The following VPS52 variants were observed in gnomAD, a reference collection of about 807,000 sequenced individuals.
The protein encoded by VPS52 is vacuolar protein sorting-associated protein 52 homolog.
Under a neutral mutation model 98.7 loss-of-function variants are expected in VPS52, and 56 were observed. The observed-to-expected ratio is 0.57, with a 90% CI of 0.46 to 0.71. The LOEUF is 0.71. Ranked by LOEUF, VPS52 falls within the 30% of genes least tolerant of loss-of-function variation. The pLI is 0.00. For synonymous variants in VPS52, 348 were observed against 346.4 expected (o/e 1.00, Z -0.05); for missense variants, 742 against 925.9 (o/e 0.80, Z 2.58).
rs1168206009 is a variant in VPS52, at chr6:33,271,657, T to G, written c.19A>C (p.Met7Leu). 14 of 1,609,872 alleles carry G rather than the reference T, an allele frequency of 8.7e-6. No individual in the cohort carries two copies. Among genetic ancestry groups the G allele is most frequent in the Non-Finnish European group, 1.2e-5 (14 of 1,177,730 alleles). Reference sequence around the variant, plus strand: ...ACCAGTTCCCGGGCCGCAGCCGCCATGGTCGCAGCGGCGGCCATTCCCCGC... The same window carrying G: ...ACCAGTTCCCGGGCCGCAGCCGCCAGGGTCGCAGCGGCGGCCATTCCCCGC... MAAAAT[M>L]AAAARELVLR... is the part of the protein sequence containing the mutation. Residue 7 changes from methionine (M) to leucine (L), a missense_variant, in exon 1 of 20, where the codon ATG (methionine) becomes CTG (leucine). By Grantham distance (15) the Met-to-Leu change is conservative. This residue lies in a region of VPS52 where 152 missense variants were observed against 132.6 expected (regional missense o/e 1.15). Transcript: ENST00000445902.
intron 1 of VPS52, chr6:33,271,100 C>A (rs1296266371): frequency 1.2e-5 from 4 of 342,974 alleles, no homozygotes; most frequent in African/African-American, 8.4e-5. Flanking sequence ...TGGGGAACCC[C>A]AGGCTTTCTA....
At chr6:33,257,032 TTTA>T (rs1186864159) in intron 17 of VPS52, among the ~76,000 whole-genome samples, 1 of 151,498 alleles carries the variant, frequency 6.6e-6, no homozygotes, top group Non-Finnish European at 1.5e-5. Context: ...ATTCTTTAAT[TTTA>T]TTATTATTTT....
In VPS52 at chr6:33,271,635, A is replaced by T. The variant is rs755656067; in HGVS notation, c.41T>A (p.Leu14Gln). 2 of 1,611,360 alleles carry T rather than the reference A, an allele frequency of 1.2e-6. No homozygotes were observed. Among genetic ancestry groups the T allele is most frequent in the Non-Finnish European group, 1.7e-6 (2 of 1,178,638 alleles). ...AATMAAAARE[L>Q]VLRAGTSDME... is the part of the protein sequence containing the mutation. Reference sequence around the variant, plus strand: ...ATCTGAGGTCCCAGCCCGCAACACCAGTTCCCGGGCCGCAGCCGCCATGGT... The same window carrying T: ...ATCTGAGGTCCCAGCCCGCAACACCTGTTCCCGGGCCGCAGCCGCCATGGT... Residue 14 changes from leucine (L) to glutamine (Q), a missense_variant, in exon 1 of 20, where the codon CTG becomes CAG. Leu to Gln is a moderately radical substitution (Grantham distance 113, BLOSUM62 -2). Transcript: ENST00000445902.
At chr6:33,263,406 CACACACACAG>C in intron 17 of VPS52, 68 bp downstream of exon 17, 2 of 1,384,774 alleles carry the variant, frequency 1.4e-6, no homozygotes, top group Non-Finnish European at 2.0e-6. Flanking sequence ...CACACACACA[CACACACACAG>C]AGAGAGAGAG....
At chr6:33,252,180 C>G (rs1027344489) in intron 17 of VPS52, among the ~76,000 whole-genome samples, 1 of 152,218 alleles carries the variant, frequency 6.6e-6, no homozygotes, top group Admixed American at 6.5e-5. Context: ...ACTCAAAGAT[C>G]ACTAGACACA....
intron 1 of VPS52, 49 bp downstream of exon 1, chr6:33,271,537 A>T (rs1418467906): frequency 6.4e-7 from 1 of 1,561,824 alleles, no homozygotes; most frequent in African/African-American, 1.4e-5. Flanking sequence ...GGTCTTTCTG[A>T]AGCTAGGAGC....
At chr6:33,263,099 T>C (rs1193091140) in intron 17 of VPS52, among the ~76,000 whole-genome samples, 1 of 151,316 alleles carries the variant, frequency 6.6e-6, no homozygotes, top group Non-Finnish European at 1.5e-5. Flanking sequence ...ATAAAATTCA[T>C]TCTAAAAATA....
At chr6:33,255,195 T>C (rs1762782285) in intron 17 of VPS52, among the ~76,000 whole-genome samples, 1 of 152,156 alleles carries the variant, frequency 6.6e-6, no homozygotes, top group Non-Finnish European at 1.5e-5. Flanking sequence ...AACACCTTGA[T>C]AGCAGAGGAG....
In VPS52 at chr6:33,271,665, G is replaced by A; in HGVS notation, c.11C>T (p.Ala4Val). 1 of 1,608,522 alleles carries A rather than the reference G, an allele frequency of 6.2e-7. No individual in the cohort carries two copies. The highest frequency in any genetic ancestry group is 2.2e-5 in the East Asian group (1 of 44,718). ...CCGGGCCGCAGCCGCCATGGTCGCA[G>A]CGGCGGCCATTCCCCGCAGCCTCAC... is the stretch of plus-strand genomic sequence containing the variant. The part of the protein sequence containing the change: MAA[A>V]ATMAAAAREL... The change falls in exon 1 of 20, where the codon GCT becomes GTT. Residue 4 changes from alanine (A) to valine (V), a missense_variant. By Grantham distance (64) the Ala-to-Val change is moderately conservative. Transcript: ENST00000445902.
chr6:33,259,780 A>AG (rs1400775509), intron 17 of VPS52, among the ~76,000 whole-genome samples: 5 of 152,194 alleles, frequency 3.3e-5, no homozygotes, highest in Non-Finnish European at 7.4e-5. Context: ...TAAAAAAAAA[A>AG]AGAAAAAAAA....
At chr6:33,251,667 G>T in intron 18 of VPS52, 31 bp from the exon 19 acceptor site, 1 of 1,556,070 alleles carries the variant, frequency 6.4e-7, no homozygotes, top group Non-Finnish European at 8.8e-7. Context: ...TGTCAGAGAG[G>T]GATCTGGCTG....
Position 33,250,942 on chromosome 6 carries a change from C to T in VPS52, c.2071G>A (p.Val691Met). 2 of 1,613,036 alleles carry T rather than the reference C, an allele frequency of 1.2e-6. No homozygotes were observed. Among genetic ancestry groups the T allele is most frequent in the Non-Finnish European group, 1.7e-6 (2 of 1,180,026 alleles). The change falls in exon 20 of 20, where the codon GTG (valine) becomes ATG (methionine). Residue 691 changes from valine to methionine, a missense_variant. This residue lies in a region of VPS52 where 590 missense variants were observed against 793.3 expected (regional missense o/e 0.74). Transcript: ENST00000445902. ...GCTCGGAGCTGCGGCTGGGACAGCA[C>T]CCGGTGGAAGCGATGATAGAGCTGG... ...LIQLYHRFHR[V>M]LSQPQLRALP...
chr6:33,268,446 T>A lies in VPS52; in HGVS notation c.699+53A>T. ...CTGCCAAGGAAATCCATAGTGAAGA[T>A]CTTGGGAAGGCTGCTTCCAGTAGCC... On this transcript the variant is annotated intron_variant, in intron 7 of 19. Coordinates refer to ENST00000445902, the MANE Select transcript of VPS52 (RefSeq NM_022553.6). The surrounding 1 kb of genome is among the most constrained non-coding windows in gnomAD (Gnocchi z 4.0). 6.5e-7 allele frequency: 1 copy of A among 1,543,304 alleles called. No homozygotes were observed. Among genetic ancestry groups the A allele is most frequent in the Non-Finnish European group, 8.7e-7 (1 of 1,144,090 alleles).
chr6:33,254,521 G>C (rs1280421973), intron 17 of VPS52, among the ~76,000 whole-genome samples: 1 of 152,066 alleles, frequency 6.6e-6, no homozygotes, highest in Non-Finnish European at 1.5e-5. Context: ...TGTACGGTGG[G>C]GCACAGGGAG....
At position 33,267,805 on chromosome 6, in the gene VPS52, C is replaced by T; in HGVS notation, c.933+60G>A. 1 of 1,612,876 alleles carries T rather than the reference C, an allele frequency of 6.2e-7. No homozygotes were observed. Among genetic ancestry groups the T allele is most frequent in the Non-Finnish European group, 8.5e-7 (1 of 1,179,954 alleles). ...ACAACACAATAAAATATTCCTTGCC[C>T]AGGGATGTCCCCTCCTCCCAGTCCA... is the stretch of plus-strand genomic sequence containing the variant. On this transcript the variant is annotated intron_variant, in intron 9 of 19. Transcript: ENST00000445902. This position sits in a 1 kb window ranked among gnomAD's most constrained non-coding sequence, Gnocchi z 4.2.
Position 33,268,773 on chromosome 6 carries a change from T to C in VPS52, c.549-124A>G. 7.9e-7 allele frequency: 1 copy of C among 1,262,022 alleles called. No individual in the cohort carries two copies. The highest frequency in any genetic ancestry group is 1.1e-6 in the Non-Finnish European group (1 of 937,198). 78.2% of individuals were successfully genotyped at this position (1,262,022 alleles called of 1,614,324 possible). On this transcript the variant is annotated intron_variant, in intron 6 of 19. Coordinates refer to ENST00000445902, the MANE Select transcript of VPS52 (RefSeq NM_022553.6). The surrounding 1 kb of genome is among the most constrained non-coding windows in gnomAD (Gnocchi z 4.0). Reference sequence around the variant, plus strand: ...TACCACCTTGCATTGTACCATATAGTCAGGACACATGTACAAAGTTTTCTA... The same window carrying C: ...TACCACCTTGCATTGTACCATATAGCCAGGACACATGTACAAAGTTTTCTA...
upstream of VPS52, chr6:33,271,911 A>C (rs1024661236): frequency 1.4e-4 from 152 of 1,071,024 alleles, 1 homozygote; most frequent in Non-Finnish European, 1.8e-4. Context: ...TTACCTATGA[A>C]CCTTACGAAC....
intron 17 of VPS52, among the ~76,000 whole-genome samples, chr6:33,259,787 A>T (rs546611114): frequency 7.2e-4 from 109 of 152,320 alleles, no homozygotes; most frequent in Middle Eastern, 3.4e-3. Flanking sequence ...AAAAAGAAAA[A>T]AAATGGCAAA....
Position 33,267,230 on chromosome 6 carries a change from G to A in VPS52, c.1083C>T (p.Ala361=). ...GSVISPTELE[A]PILVPHTAQR... The stretch of plus-strand genomic sequence containing the variant: ...GCGCTGTGTGAGGCACCAGGATGGG[G>A]GCCTCAAGTTCAGTGGGGGAGATGA... The change falls in exon 11 of 20, where the codon GCC becomes GCT. Residue 361 remains alanine, a synonymous_variant. Transcript: ENST00000445902. The surrounding 1 kb of genome is among the most constrained non-coding windows in gnomAD (Gnocchi z 4.2). 6.3e-7 allele frequency: 1 copy of A among 1,595,986 alleles called. No homozygotes were observed. Among genetic ancestry groups the A allele is most frequent in the East Asian group, 2.3e-5 (1 of 44,188 alleles).
Sources: gnomAD v4.1 joint callset for allele counts (sites outside exome capture counted in the v4.1 genomes callset) on GRCh38, gnomAD v4.1.1 for gene constraint, gnomAD v4.1.1 regional missense constraint, Gnocchi (gnomAD v3.1) non-coding constraint, MANE v1.5 for transcripts, NCBI Gene and HGNC (gene_info 2026-07-23, HGNC 2026-07-21) for gene names.